Variants in SBDS observed in about 807,000 individuals in gnomAD.
SBDS encodes the protein SBDS ribosome maturation factor, also known as ribosome maturation protein SBDS.
SBDS carries 20 observed loss-of-function variants against 26.4 expected under a neutral mutation model. The ratio of observed to expected loss-of-function variants is 0.76; its 90% CI spans 0.53 to 1.10. SBDS has a LOEUF of 1.10. Among genes scored for constraint, SBDS ranks in the 50% least tolerant of loss-of-function variants. The pLI, the probability that SBDS is intolerant of heterozygous loss-of-function variation, is 0.00. For missense variants in SBDS, 241 were observed against 302.0 expected (o/e 0.80, Z 1.50); for synonymous variants, 95 against 105.1 (o/e 0.90, Z 0.59).
intron 1 of SBDS, among the ~76,000 whole-genome samples, chr7:66,994,638 G>A (rs1393308670): frequency 6.6e-6 from 1 of 152,134 alleles, no homozygotes; most frequent in Non-Finnish European, 1.5e-5. Flanking sequence ...GGGATTACAG[G>A]CATGCGCCAC....
At chr7:66,989,621 A>T (rs1271886204) in intron 4 of SBDS, among the ~76,000 whole-genome samples, 1 of 152,198 alleles carries the variant, frequency 6.6e-6, no homozygotes, top group Non-Finnish European at 1.5e-5. Context: ...AGCTCAATTT[A>T]CACTGTGTTT....
intron 4 of SBDS, among the ~76,000 whole-genome samples, chr7:66,989,892 A>G (rs575073391): frequency 6.8e-6 from 1 of 146,498 alleles, no homozygotes; most frequent in South Asian, 2.1e-4. Context: ...AATGAAGACA[A>G]TAACAAGGTC....
chr7:66,989,669 C>T (rs910261499), intron 4 of SBDS, among the ~76,000 whole-genome samples: 6 of 147,234 alleles, frequency 4.1e-5, no homozygotes, highest in South Asian at 2.3e-4. Flanking sequence ...ATAATGGTTT[C>T]GCTGCTTCTT....
At position 66,995,271 on chromosome 7, in the gene SBDS, G is replaced by A. The variant is rs1346591365; in HGVS notation, c.128+19C>T. 5 of 1,613,340 alleles carry A rather than the reference G, an allele frequency of 3.1e-6. No individual in the cohort carries two copies. The highest frequency in any genetic ancestry group is 4.2e-6 in the Non-Finnish European group (5 of 1,179,916). On this transcript the variant is annotated intron_variant, in intron 1 of 4. Coordinates refer to ENST00000246868, the MANE Select transcript of SBDS (RefSeq NM_016038.4). ...ACGGCTCAGGCCCAGGCCCAGGCCC[G>A]AGGGAGGGGGCTACTCACACGCCGC...
intron 1 of SBDS, chr7:66,995,087 T>C: frequency 1.5e-6 from 1 of 688,754 alleles, no homozygotes; most frequent in Non-Finnish European, 2.4e-6. Context: ...AACAACCCAA[T>C]CCGAACCAAC....
intron 2 of SBDS, 38 bp downstream of exon 2, chr7:66,994,174 T>C: frequency 1.2e-6 from 2 of 1,609,446 alleles, no homozygotes; most frequent in Admixed American, 1.7e-5. Flanking sequence ...ACGTTATAAA[T>C]GGTTATTAGG....
chr7:66,995,294 CG>C lies in SBDS; in HGVS notation c.123del (p.Ser41ArgfsTer18), dbSNP rs761310052. 2 of 1,613,816 alleles carry C rather than the reference CG, an allele frequency of 1.2e-6. No individual in the cohort carries two copies. Among genetic ancestry groups the C allele is most frequent in the Non-Finnish European group, 1.7e-6 (2 of 1,179,986 alleles). ...CCGAGGGAGGGGGCTACTCACACGC[CG>C]CTCCGCCAGCCGACGACCTTGTTTT... ...CYKNKVVGWR[S>X]GVEKDLDEVL... On this transcript the variant is annotated frameshift_variant, in exon 1 of 5. Transcript: ENST00000246868. LOFTEE classifies it high-confidence loss of function.
chr7:66,988,630 T>C (rs1394832808), intron 4 of SBDS, 131 bp from the exon 5 acceptor site: 16 of 1,106,586 alleles, frequency 1.4e-5, no homozygotes, highest in Non-Finnish European at 2.1e-5. Context: ...TATGGTGCAA[T>C]AGATAAGACA....
At chr7:66,988,592 G>T in intron 4 of SBDS, 93 bp from the exon 5 acceptor site, 1 of 1,406,632 alleles carries the variant, frequency 7.1e-7, no homozygotes, top group Non-Finnish European at 9.9e-7. Flanking sequence ...GCACAATGCT[G>T]TCCAGATCTC....
intron 4 of SBDS, 131 bp downstream of exon 4, chr7:66,991,006 G>C: frequency 1.2e-6 from 1 of 820,762 alleles, no homozygotes; most frequent in South Asian, 1.8e-5. Context: ...AACAGAGCGA[G>C]ACTCCATCTC....
chr7:66,993,375 G>T lies in SBDS; in HGVS notation c.301C>A (p.His101Asn). The change falls in exon 3 of 5, where the codon CAC becomes AAC. Residue 101 changes from histidine (H) to asparagine (N), a missense_variant. His to Asn is a moderately conservative substitution (Grantham distance 68). Coordinates refer to ENST00000246868, the MANE Select transcript of SBDS (RefSeq NM_016038.4). ...GEVQVSDKERHTQLEQMFRDI... is the reference protein window; with the variant it reads ...GEVQVSDKERNTQLEQMFRDI... ...CTAAACATCTGCTCCAGTTGTGTGTGTCTTTCTTTATCTGATACTTGAACT... is the reference window on the plus strand; with the variant it reads ...CTAAACATCTGCTCCAGTTGTGTGTTTCTTTCTTTATCTGATACTTGAACT... 1 of 1,614,058 alleles carries T rather than the reference G, an allele frequency of 6.2e-7. No individual in the cohort carries two copies. The highest frequency in any genetic ancestry group is 1.6e-4 in the Middle Eastern group (1 of 6,062).
chr7:66,995,063 C>T (rs1025981612), intron 1 of SBDS: 1 of 597,506 alleles, frequency 1.7e-6, no homozygotes, highest in African/African-American at 1.9e-5. Context: ...ACCAACAAAA[C>T]AAAACCCCAA....
At chr7:66,993,492 A>C in intron 2 of SBDS, 75 bp from the exon 3 acceptor site, 1 of 1,152,908 alleles carries the variant, frequency 8.7e-7, no homozygotes, top group Non-Finnish European at 1.3e-6. Flanking sequence ...AACCATAAAA[A>C]ATGAGTAACT....
intron 2 of SBDS, among the ~76,000 whole-genome samples, chr7:66,993,885 CA>C (rs576687357): frequency 2.8e-4 from 39 of 140,792 alleles, no homozygotes; most frequent in Admixed American, 4.2e-4. Context: ...TCCCCCCACC[CA>C]AAAAAAAAAG....
At chr7:66,989,403 G>T (rs1240761915) in intron 4 of SBDS, among the ~76,000 whole-genome samples, 1 of 151,800 alleles carries the variant, frequency 6.6e-6, no homozygotes, top group East Asian at 1.9e-4. Flanking sequence ...AAATTAGCTG[G>T]GCGAGGTGGC....
At position 66,991,005 on chromosome 7, in the gene SBDS, A is replaced by C. The variant is rs1001108019; in HGVS notation, c.624+132T>G. 5.1e-5 allele frequency: 42 copies of C among 817,416 alleles called. No individual in the cohort carries two copies. The African/African-American group carries it at 6.4e-4, about 13-fold the overall frequency. The allele number at this position is 817,416 out of a possible 1,614,324, so 50.6% of individuals were successfully genotyped here. On this transcript the variant is annotated intron_variant, in intron 4 of 4. Coordinates refer to ENST00000246868, the MANE Select transcript of SBDS (RefSeq NM_016038.4). Reference sequence around the variant, plus strand: ...GCACTCCAGCCTGGGCAACAGAGCGAGACTCCATCTCAAAAAAAAAAAAGA... The same window carrying C: ...GCACTCCAGCCTGGGCAACAGAGCGCGACTCCATCTCAAAAAAAAAAAAGA...
intron 4 of SBDS, 91 bp downstream of exon 4, chr7:66,991,046 C>T (rs1024448839): frequency 2.0e-5 from 24 of 1,195,332 alleles, no homozygotes; most frequent in South Asian, 1.2e-4. Context: ...AAATATCTGA[C>T]GTTTACAACA....
chr7:66,994,331 G>C lies in SBDS; in HGVS notation c.139C>G (p.Leu47Val), dbSNP rs1411410229. The C allele has an allele frequency of 1.2e-6, 2 of 1,613,788 alleles. No individual in the cohort carries two copies. The highest frequency in any genetic ancestry group is 3.3e-5 in the Admixed American group (2 of 59,968). Reference sequence around the variant, plus strand: ...GAGTGGGTCTGCAGAACTTCATCGAGGTCTTTTTCCCTTGTGAGGGCAGGA... The same window carrying C: ...GAGTGGGTCTGCAGAACTTCATCGACGTCTTTTTCCCTTGTGAGGGCAGGA... Reference protein sequence around the residue: ...VGWRSGVEKDLDEVLQTHSVF... With the variant: ...VGWRSGVEKDVDEVLQTHSVF... Residue 47 changes from leucine (L) to valine (V), a missense_variant, in exon 2 of 5, where the codon CTC becomes GTC. Coordinates refer to ENST00000246868, the MANE Select transcript of SBDS (RefSeq NM_016038.4).
chr7:66,993,155 T>A, intron 3 of SBDS, 62 bp downstream of exon 3: 1 of 1,444,950 alleles, frequency 6.9e-7, no homozygotes, highest in South Asian at 1.1e-5. Context: ...ATTATTTTAA[T>A]GATTTCTTCA....
Sources: gnomAD v4.1 joint callset for allele counts (sites outside exome capture counted in the v4.1 genomes callset) on GRCh38, gnomAD v4.1.1 for gene constraint, MANE v1.5 for transcripts, NCBI Gene and HGNC (gene_info 2026-07-23, HGNC 2026-07-21) for gene names.